Variants in PRDM11 observed in about 807,000 individuals in gnomAD.
The protein encoded by PRDM11 is PR/SET domain 11.
PRDM11 carries 20 observed loss-of-function variants against 97.8 expected under a neutral mutation model. The ratio of observed to expected loss-of-function variants is 0.20; its 90% confidence interval spans 0.14 to 0.30. The LOEUF (loss-of-function observed/expected upper bound fraction) is 0.30, where lower values mean the gene tolerates loss of function less well. PRDM11 is among the 10% of genes least tolerant of loss of function. The pLI is 1.00. For missense variants in PRDM11, 1,139 were observed against 1,555.2 expected (o/e 0.73, Z 4.50); for synonymous variants, 599 against 637.7 (o/e 0.94, Z 0.91).
In PRDM11 at chr11:45,162,590, C is replaced by T. The variant is rs187131741; in HGVS notation, c.-7+15713C>T. On this transcript the variant is annotated intron_variant, in intron 1 of 7. Coordinates refer to ENST00000683152, the MANE Select transcript of PRDM11 (RefSeq NM_001384648.1). ...TTACTGAGCACTTATGTGGCAGGCA[C>T]TATCTGTGACATTTCACTTAATCTT... Among the ~76,000 whole-genome samples, 14 of 152,252 alleles carry T rather than the reference C, an allele frequency of 9.2e-5. No individual in the cohort carries two copies. The East Asian group carries it at 2.1e-3, about 23-fold the overall frequency.
At chr11:45,097,425 A>G (rs1002966744) in intron 1 of PRDM11, among the ~76,000 whole-genome samples, 1 of 152,196 alleles carries the variant, frequency 6.6e-6, no homozygotes, top group African/African-American at 2.4e-5. Flanking sequence ...CAGCACATTT[A>G]CCTACATTGT....
chr11:45,154,740 C>G (rs1851748885), intron 1 of PRDM11, among the ~76,000 whole-genome samples: 1 of 152,206 alleles, frequency 6.6e-6, no homozygotes, highest in Admixed American at 6.5e-5. Flanking sequence ...TCTCCCGATC[C>G]CTGATCACTA....
chr11:45,180,698 G>T (rs1852456641), intron 1 of PRDM11, among the ~76,000 whole-genome samples: 1 of 149,900 alleles, frequency 6.7e-6, no homozygotes, highest in Non-Finnish European at 1.5e-5. Flanking sequence ...GGCAGGGCCG[G>T]GCGGGCCGGG....
intron 1 of PRDM11, among the ~76,000 whole-genome samples, chr11:45,168,823 C>T (rs183896213): frequency 4.9e-4 from 74 of 152,322 alleles, no homozygotes; most frequent in African/African-American, 1.7e-3. Flanking sequence ...CTCTTTCAGT[C>T]GTGATCTTCC....
At chr11:45,136,108 T>C (rs1262914435) in intron 1 of PRDM11, among the ~76,000 whole-genome samples, 2 of 152,202 alleles carry the variant, frequency 1.3e-5, no homozygotes, top group Non-Finnish European at 2.9e-5. Context: ...GTGTTAGTAA[T>C]AGGGGGAACT....
intron 5 of PRDM11, among the ~76,000 whole-genome samples, chr11:45,212,191 G>A (rs367833600): frequency 3.3e-5 from 5 of 152,210 alleles, no homozygotes; most frequent in South Asian, 4.1e-4. Flanking sequence ...GCACGCAGCC[G>A]GTGGGCCACG....
intron 4 of PRDM11, among the ~76,000 whole-genome samples, chr11:45,192,597 C>T (rs1047480939): frequency 1.3e-5 from 2 of 152,166 alleles, no homozygotes; most frequent in African/African-American, 4.8e-5. Context: ...ATTTCCAGTA[C>T]AGACCAGCTC....
upstream of PRDM11, among the ~76,000 whole-genome samples, chr11:45,143,561 A>G (rs1011601567): frequency 2.0e-5 from 3 of 152,218 alleles, no homozygotes; most frequent in East Asian, 5.8e-4. Context: ...TTCACCACCC[A>G]TTAGGCTGAA....
chr11:45,148,069 G>A (rs1851567019), intron 1 of PRDM11, among the ~76,000 whole-genome samples: 1 of 152,124 alleles, frequency 6.6e-6, no homozygotes, highest in Non-Finnish European at 1.5e-5. Context: ...GTCATTGTTG[G>A]AGGTGTAGGG....
chr11:45,102,380 G>C (rs73464507), intron 1 of PRDM11, among the ~76,000 whole-genome samples: 22,981 of 152,148 alleles, frequency 0.15, 1,818 homozygotes, highest in Non-Finnish European at 0.16. Context: ...TTAGTTTCTG[G>C]AAAGCTGGCT....
At chr11:45,104,410 C>G (rs1273675910) in intron 1 of PRDM11, among the ~76,000 whole-genome samples, 1 of 152,214 alleles carries the variant, frequency 6.6e-6, no homozygotes, top group Non-Finnish European at 1.5e-5. Flanking sequence ...GGTCGGGTTT[C>G]TCATCTGCAA....
chr11:45,206,061 G>A (rs557082451), intron 5 of PRDM11, among the ~76,000 whole-genome samples: 11 of 152,290 alleles, frequency 7.2e-5, no homozygotes, highest in African/African-American at 2.6e-4. Flanking sequence ...TTGACACCCT[G>A]ACTGCCTTCT....
In PRDM11 at chr11:45,226,767, G is replaced by A. The variant is rs1271233610; in HGVS notation, c.2142G>A (p.Ser714=). 1.4e-5 allele frequency: 21 copies of A among 1,533,820 alleles called. No homozygotes were observed. Among genetic ancestry groups the A allele is most frequent in the South Asian group, 8.3e-5 (7 of 83,966 alleles). Residue 714 remains serine (S), a synonymous_variant, in exon 8 of 8, where the codon TCG becomes TCA. Coordinates refer to ENST00000683152, the MANE Select transcript of PRDM11 (RefSeq NM_001384648.1). ...SYLQALDRAF[S]ALGIRLQDEK... is the part of the protein sequence containing the mutation. ...TCCAGGCACTTGACCGGGCCTTCTC[G>A]GCCTTGGGCATCCGGTTGCAGGATG...
At chr11:45,163,079 T>G (rs1851969710) in intron 1 of PRDM11, among the ~76,000 whole-genome samples, 1 of 152,196 alleles carries the variant, frequency 6.6e-6, no homozygotes, top group Non-Finnish European at 1.5e-5. Flanking sequence ...TGGGTGGTAC[T>G]GCTCCCAGCT....
chr11:45,197,481 G>T (rs1853166196), intron 4 of PRDM11, among the ~76,000 whole-genome samples: 1 of 152,126 alleles, frequency 6.6e-6, no homozygotes, highest in Admixed American at 6.5e-5. Flanking sequence ...TAAAAGGGTA[G>T]ATCTTATGTT....
intron 1 of PRDM11, among the ~76,000 whole-genome samples, chr11:45,115,112 G>A (rs1447419695): frequency 2.0e-5 from 3 of 151,436 alleles, no homozygotes; most frequent in African/African-American, 4.8e-5. Context: ...ATTATAACAC[G>A]GTATTATGGA....
intron 1 of PRDM11, among the ~76,000 whole-genome samples, chr11:45,115,282 C>A (rs951265909): frequency 4.6e-5 from 7 of 151,758 alleles, no homozygotes; most frequent in Non-Finnish European, 1.0e-4. Context: ...GGAAATATTA[C>A]AAATGCAAAG....
intron 5 of PRDM11, among the ~76,000 whole-genome samples, chr11:45,205,761 G>A (rs371779121): frequency 4.6e-5 from 7 of 152,322 alleles, no homozygotes; most frequent in South Asian, 2.1e-4. Flanking sequence ...GGTTTGAGGC[G>A]TAGAGTATGT....
upstream of PRDM11, among the ~76,000 whole-genome samples, chr11:45,141,934 C>T (rs890183539): frequency 6.6e-6 from 1 of 152,174 alleles, no homozygotes; most frequent in Non-Finnish European, 1.5e-5. Context: ...AAAGGGCACA[C>T]TCTGCTTCTC....
Sources: gnomAD v4.1 joint callset for allele counts (sites outside exome capture counted in the v4.1 genomes callset) on GRCh38, gnomAD v4.1.1 for gene constraint, MANE v1.5 for transcripts, NCBI Gene and HGNC (gene_info 2026-07-23, HGNC 2026-07-21) for gene names.